The following ANO10 variants were observed in gnomAD, a reference collection of about 807,000 sequenced individuals.
ANO10 encodes the protein anoctamin 10.
A neutral mutation model predicts 74.7 loss-of-function variants in ANO10; 77 were observed. The observed-to-expected ratio is 1.03, with a 90% confidence interval of 0.86 to 1.25. ANO10 has a LOEUF of 1.25. Among genes scored for constraint, ANO10 ranks in the 50% most tolerant of loss-of-function variants. The pLI is 0.00. For missense variants in ANO10, 721 were observed against 778.1 expected (o/e 0.93, Z 0.87); for synonymous variants, 279 against 284.9 (o/e 0.98, Z 0.21).
At chr3:43,625,363 C>G (rs1195141289), upstream of ANO10, among the ~76,000 whole-genome samples, 2 of 152,208 alleles carry the variant, frequency 1.3e-5, no homozygotes, top group African/African-American at 2.4e-5. Flanking sequence ...AAAAACAAGA[C>G]TCTCACTACT....
intron 12 of ANO10, among the ~76,000 whole-genome samples, chr3:43,401,185 CTAAG>C (rs1400885624): frequency 6.6e-6 from 1 of 151,944 alleles, no homozygotes; most frequent in Non-Finnish European, 1.5e-5. Flanking sequence ...ATCTTTTTTC[CTAAG>C]TAAGACAGAA....
chr3:43,611,224 C>T (rs1293548771), intron 1 of ANO10, among the ~76,000 whole-genome samples: 1 of 152,148 alleles, frequency 6.6e-6, no homozygotes, highest in Non-Finnish European at 1.5e-5. Context: ...TTTTATTTCC[C>T]TTTCCATGGG....
At chr3:43,690,829 GCCGCGCACGCGCAA>G in intron 1 of ANO10, 1 of 599,160 alleles carries the variant, frequency 1.7e-6, no homozygotes, top group Non-Finnish European at 2.6e-6. Flanking sequence ...CGGAGGCAAG[GCCGCGCACGCGCAA>G]ACGCGGGCGC....
At chr3:43,680,340 T>C (rs1182575404) in intron 1 of ANO10, among the ~76,000 whole-genome samples, 1 of 152,102 alleles carries the variant, frequency 6.6e-6, no homozygotes, top group Non-Finnish European at 1.5e-5. Flanking sequence ...GTATCAGTGA[T>C]TGAAGATCAA....
chr3:43,543,974 A>G (rs1290198979), intron 11 of ANO10, among the ~76,000 whole-genome samples: 1 of 152,190 alleles, frequency 6.6e-6, no homozygotes, highest in Non-Finnish European at 1.5e-5. Context: ...TAGAATTAAA[A>G]CTGTCAATTA....
chr3:43,491,115 A>G (rs779447648), intron 11 of ANO10, among the ~76,000 whole-genome samples: 1 of 152,178 alleles, frequency 6.6e-6, no homozygotes, highest in African/African-American at 2.4e-5. Flanking sequence ...CACACTGTGC[A>G]TGCTCATCTC....
Position 43,549,833 on chromosome 3 carries a change from T to C in ANO10, c.1684A>G (p.Met562Val), listed in dbSNP as rs769299384. Residue 562 changes from methionine (M) to valine (V), a missense_variant, in exon 11 of 13, where the codon ATG becomes GTG. By Grantham distance (21) the Met-to-Val change is conservative. Transcript: ENST00000292246. ...TTAGTGACCACAGATATAACACTCA[T>C]CGTTTCAAAAGCCAACTAAAAGAAA... ...IGVWQLAFET[M>V]SVISVVTNCA... 3 of 1,613,838 alleles carry C rather than the reference T, an allele frequency of 1.9e-6. No homozygotes were observed. Among genetic ancestry groups the C allele is most frequent in the Non-Finnish European group, 2.5e-6 (3 of 1,179,892 alleles).
intron 11 of ANO10, among the ~76,000 whole-genome samples, chr3:43,497,103 TTA>T (rs1305317074): frequency 4.6e-5 from 7 of 152,206 alleles, no homozygotes; most frequent in Non-Finnish European, 1.0e-4. Flanking sequence ...GCACTTTTTC[TTA>T]TTCTGTCACA....
At chr3:43,587,429 A>T (rs1394472047) in intron 4 of ANO10, among the ~76,000 whole-genome samples, 4 of 152,182 alleles carry the variant, frequency 2.6e-5, no homozygotes, top group Non-Finnish European at 4.4e-5. Context: ...GTAGGAACCC[A>T]GATAACACCA....
In ANO10 at chr3:43,496,507, C is replaced by G. The variant is rs150971673; in HGVS notation, c.1797+53213G>C. On this transcript the variant is annotated intron_variant, in intron 11 of 12. Transcript: ENST00000292246. ...TGAGCACAGTGGCACGATCTTGGCTCTCTGCAACCTCCATCTTCCAAGCTC... is the reference window on the plus strand; with the variant it reads ...TGAGCACAGTGGCACGATCTTGGCTGTCTGCAACCTCCATCTTCCAAGCTC... Among the ~76,000 whole-genome samples, 43 of 151,996 alleles carry G rather than the reference C, an allele frequency of 2.8e-4. No individual in the cohort carries two copies. In the South Asian group the frequency reaches 3.9e-3, roughly 14 times the overall value.
At chr3:43,453,179 C>A (rs1282699131) in intron 11 of ANO10, among the ~76,000 whole-genome samples, 2 of 130,494 alleles carry the variant, frequency 1.5e-5, no homozygotes, top group Non-Finnish European at 1.7e-5. Flanking sequence ...TCTTTTCCCC[C>A]TTTTTTTTTT....
chr3:43,370,552 G>C (rs2091572853), intron 12 of ANO10, among the ~76,000 whole-genome samples: 1 of 151,526 alleles, frequency 6.6e-6, no homozygotes, highest in Non-Finnish European at 1.5e-5. Flanking sequence ...CTGGCTGGAG[G>C]GTGGGTGGGG....
At chr3:43,407,179 C>T (rs1445658592) in intron 12 of ANO10, among the ~76,000 whole-genome samples, 1 of 152,192 alleles carries the variant, frequency 6.6e-6, no homozygotes, top group East Asian at 1.9e-4. Context: ...GCTGGGATTA[C>T]ATGCGTGAGC....
intron 4 of ANO10, among the ~76,000 whole-genome samples, chr3:43,586,537 CATAAGTAATAAAAA>C (rs1232225986): frequency 2.0e-4 from 31 of 152,038 alleles, no homozygotes; most frequent in African/African-American, 7.5e-4. Context: ...TTCATTAAAA[CATAAGTAATAAAAA>C]ATAAGTAATA....
chr3:43,563,096 G>C (rs1039642195), intron 8 of ANO10, among the ~76,000 whole-genome samples: 1 of 152,128 alleles, frequency 6.6e-6, no homozygotes, highest in African/African-American at 2.4e-5. Context: ...TAGAATACCA[G>C]AATATACAAG....
chr3:43,661,560 A>T (rs2083926769), intron 1 of ANO10, among the ~76,000 whole-genome samples: 1 of 152,206 alleles, frequency 6.6e-6, no homozygotes. Context: ...TAACAATATT[A>T]ACCTTAAATG....
chr3:43,443,179 T>A (rs866373668), intron 11 of ANO10, among the ~76,000 whole-genome samples: 8 of 152,176 alleles, frequency 5.3e-5, no homozygotes, highest in Admixed American at 1.3e-4. Flanking sequence ...GAACCACTAA[T>A]ATCACAAAAG....
intron 11 of ANO10, among the ~76,000 whole-genome samples, chr3:43,511,260 C>T (rs146455927): frequency 6.6e-6 from 1 of 152,052 alleles, no homozygotes; most frequent in Non-Finnish European, 1.5e-5. Context: ...TATTGCTGCT[C>T]TAGTAACACA....
chr3:43,386,638 T>G (rs1337149930), intron 12 of ANO10, among the ~76,000 whole-genome samples: 3 of 145,872 alleles, frequency 2.1e-5, no homozygotes, highest in African/African-American at 7.7e-5. Context: ...AAGTTGTGTG[T>G]AGGTGTGTAC....
Sources: allele counts gnomAD v4.1 joint callset (sites outside exome capture counted in the v4.1 genomes callset), GRCh38; gene constraint gnomAD v4.1.1; transcripts MANE v1.5; gene names NCBI Gene and HGNC (gene_info 2026-07-23, HGNC 2026-07-21).